The following TECTA variants were observed in gnomAD, a reference collection of about 807,000 sequenced individuals.
TECTA encodes alpha-tectorin.
Under a neutral mutation model 216.8 loss-of-function variants are expected in TECTA, and 128 were observed. That is an observed-to-expected ratio of 0.59 (90% CI 0.51 to 0.68). The LOEUF is 0.68. Among genes scored for constraint, TECTA ranks in the 30% least tolerant of loss-of-function variants. The pLI is 0.00. For synonymous variants in TECTA, 1,089 were observed against 1,117.1 expected, an observed-to-expected ratio of 0.97 and a Z score of 0.50; for missense variants, 2,551 against 2,786.2, an observed-to-expected ratio of 0.92 and a Z score of 1.90.
intron 10 of TECTA, among the ~76,000 whole-genome samples, chr11:121,131,913 G>C (rs1946678716): frequency 6.6e-6 from 1 of 152,146 alleles, no homozygotes; most frequent in Admixed American, 6.5e-5. Flanking sequence ...TCTGATGTTG[G>C]TTTGTCCCGT....
chr11:121,162,496 T>G (rs1193300153), intron 16 of TECTA, 126 bp downstream of exon 16: 1 of 1,293,738 alleles, frequency 7.7e-7, no homozygotes, highest in African/African-American at 1.5e-5. Context: ...CTTCCAGGAT[T>G]GGATAGTAGA....
chr11:121,153,034 T>A lies in TECTA; in HGVS notation c.4259T>A (p.Ile1420Asn), dbSNP rs1386854518. 6.2e-7 allele frequency: 1 copy of A among 1,614,182 alleles called. No individual in the cohort carries two copies. The highest frequency in any genetic ancestry group is 1.7e-5 in the Admixed American group (1 of 60,030). Reference protein sequence around the residue: ...AGYVLNGKSCILPHSCGCYSD... With the variant: ...AGYVLNGKSCNLPHSCGCYSD... ...TACGTCCTCAACGGCAAGAGCTGCATCCTGCCCCACAGCTGCGGCTGCTAC... is the reference window on the plus strand; with the variant it reads ...TACGTCCTCAACGGCAAGAGCTGCAACCTGCCCCACAGCTGCGGCTGCTAC... Residue 1420 changes from isoleucine (I) to asparagine (N), a missense_variant, in exon 13 of 24, where the codon ATC becomes AAC. This residue lies in a region of TECTA where 2,375 missense variants were observed against 2,563.9 expected (regional missense o/e 0.93). Coordinates refer to ENST00000392793, the MANE Select transcript of TECTA (RefSeq NM_005422.4).
intron 20 of TECTA, among the ~76,000 whole-genome samples, chr11:121,179,432 G>A (rs1947203136): frequency 6.6e-6 from 1 of 152,034 alleles, no homozygotes; most frequent in Non-Finnish European, 1.5e-5. Context: ...AAATTTGTCA[G>A]GACTTGGTTT....
Position 121,113,028 on chromosome 11 carries a change from C to T in TECTA, c.487-44C>T. 6.2e-7 allele frequency: 1 copy of T among 1,613,286 alleles called. No individual in the cohort carries two copies. Among genetic ancestry groups the T allele is most frequent in the East Asian group, 2.2e-5 (1 of 44,876 alleles). On this transcript the variant is annotated intron_variant, in intron 4 of 23. Transcript: ENST00000392793. This position sits in a 1 kb window ranked among gnomAD's most constrained non-coding sequence, Gnocchi z 4.2. ...GAGGACCTCCTTGGGGCCAGGACCT[C>T]CTGGGGAGTGCAAGTCATGAGACTG... is the stretch of plus-strand genomic sequence containing the variant.
At chr11:121,124,729 G>A (rs1251238893) in intron 7 of TECTA, among the ~76,000 whole-genome samples, 1 of 152,154 alleles carries the variant, frequency 6.6e-6, no homozygotes, top group Non-Finnish European at 1.5e-5. Flanking sequence ...TAATTGTGTT[G>A]TTGTTGAATG....
At position 121,113,050 on chromosome 11, in the gene TECTA, A is replaced by C. The variant is rs747299841; in HGVS notation, c.487-22A>C. 3 of 1,613,796 alleles carry C rather than the reference A, an allele frequency of 1.9e-6. No homozygotes were observed. Among genetic ancestry groups the C allele is most frequent in the Non-Finnish European group, 2.5e-6 (3 of 1,179,978 alleles). ...CCTCCTGGGGAGTGCAAGTCATGAG[A>C]CTGCGCATTCCCATCCTGTAGGTGA... On this transcript the variant is annotated intron_variant, in intron 4 of 23. Coordinates refer to ENST00000392793, the MANE Select transcript of TECTA (RefSeq NM_005422.4). The surrounding 1 kb of genome is among the most constrained non-coding windows in gnomAD (Gnocchi z 4.2).
intron 21 of TECTA, 122 bp downstream of exon 21, chr11:121,188,116 A>C: frequency 2.9e-6 from 3 of 1,041,486 alleles, no homozygotes; most frequent in Non-Finnish European, 4.3e-6. Flanking sequence ...TGGGGTGGAC[A>C]GTCATCTTTG....
intron 10 of TECTA, among the ~76,000 whole-genome samples, chr11:121,135,320 G>A (rs1445239642): frequency 6.6e-6 from 1 of 152,188 alleles, no homozygotes; most frequent in Non-Finnish European, 1.5e-5. Context: ...GCATTCCGGG[G>A]CCTAGGGGAA....
chr11:121,127,722 T>C lies in TECTA; in HGVS notation c.1775-30T>C. ...TAGCACTCCGGGTCCATTCACCTTG[T>C]TATCGGCTCTCTTCCTTTCCCCGCG... On this transcript the variant is annotated intron_variant, in intron 8 of 23. Coordinates refer to ENST00000392793, the MANE Select transcript of TECTA (RefSeq NM_005422.4). This position sits in a 1 kb window ranked among gnomAD's most constrained non-coding sequence, Gnocchi z 5.0. The C allele has an allele frequency of 1.2e-6, 2 of 1,612,974 alleles. No individual in the cohort carries two copies. The highest frequency in any genetic ancestry group is 1.7e-6 in the Non-Finnish European group (2 of 1,178,992).
intron 20 of TECTA, among the ~76,000 whole-genome samples, chr11:121,177,806 G>A (rs375983626): frequency 8.5e-5 from 13 of 152,308 alleles, no homozygotes; most frequent in South Asian, 2.1e-4. Context: ...GCAGGCAGGC[G>A]TCCTTGAGCT....
chr11:121,178,193 C>T (rs1040109874), intron 20 of TECTA, among the ~76,000 whole-genome samples: 4 of 152,214 alleles, frequency 2.6e-5, no homozygotes, highest in East Asian at 1.9e-4. Context: ...CACTGTCCTG[C>T]GCCCACTGTC....
chr11:121,107,925 C>T (rs745460748), intron 3 of TECTA, among the ~76,000 whole-genome samples: 1 of 152,142 alleles, frequency 6.6e-6, no homozygotes, highest in African/African-American at 2.4e-5. Flanking sequence ...ACTATCACAC[C>T]ACATGAGCTG....
chr11:121,191,250 T>C lies in TECTA; in HGVS notation c.*444T>C. 3.7e-6 allele frequency: 1 copy of C among 271,888 alleles called. No individual in the cohort carries two copies. The highest frequency in any genetic ancestry group is 4.5e-5 in the South Asian group (1 of 22,234). 16.8% of individuals were successfully genotyped at this position (271,888 alleles called of 1,614,324 possible). A position where few individuals can be genotyped will look rare whatever the true frequency, so the allele number is the denominator to read the frequency against. On this transcript the variant is annotated 3_prime_UTR_variant, in exon 24 of 24. Transcript: ENST00000392793. The stretch of plus-strand genomic sequence containing the variant: ...AGGTTTGACTCCCTCTAAGGAATCT[T>C]GCTGGTGTTTGGAAGTGTCCGATCT...
Position 121,166,608 on chromosome 11 carries a change from C to A in TECTA, c.5414C>A (p.Thr1805Asn), listed in dbSNP as rs778680683. ...NSHDIIDAEV[T>N]CKAAQMEVSI... is the part of the protein sequence containing the mutation. ...CATGACATTATCGATGCAGAGGTGACCTGCAAAGCAGCCCAAATGGAAGTG... is the reference window on the plus strand; with the variant it reads ...CATGACATTATCGATGCAGAGGTGAACTGCAAAGCAGCCCAAATGGAAGTG... Residue 1805 changes from threonine to asparagine, a missense_variant, in exon 18 of 24, where the codon ACC becomes AAC. Thr to Asn is a moderately conservative substitution (Grantham distance 65). This residue lies in a region of TECTA where 2,375 missense variants were observed against 2,563.9 expected (regional missense o/e 0.93). Coordinates refer to ENST00000392793, the MANE Select transcript of TECTA (RefSeq NM_005422.4). 2.5e-6 allele frequency: 4 copies of A among 1,614,164 alleles called. No individual in the cohort carries two copies. The highest frequency in any genetic ancestry group is 3.4e-6 in the Non-Finnish European group (4 of 1,180,026).
intron 12 of TECTA, among the ~76,000 whole-genome samples, chr11:121,152,248 C>T (rs181340107): frequency 3.3e-5 from 5 of 152,362 alleles, no homozygotes; most frequent in South Asian, 2.1e-4. Flanking sequence ...CATGCCAGCA[C>T]GTGTACTCAT....
At chr11:121,168,650 C>G in intron 19 of TECTA, 27 bp from the exon 20 acceptor site, 1 of 1,614,024 alleles carries the variant, frequency 6.2e-7, no homozygotes, top group East Asian at 2.2e-5. Context: ...GTTTTGGATT[C>G]CTGTCTCATA....
In TECTA at chr11:121,129,858, C is replaced by G. The variant is rs1215391127; in HGVS notation, c.2588C>G (p.Pro863Arg). The change falls in exon 10 of 24, where the codon CCC becomes CGC. Residue 863 changes from proline (P) to arginine (R), a missense_variant. This residue lies in a region of TECTA where 2,375 missense variants were observed against 2,563.9 expected (regional missense o/e 0.93). Coordinates refer to ENST00000392793, the MANE Select transcript of TECTA (RefSeq NM_005422.4). Reference protein sequence around the residue: ...NANASDEFCLPNGKCTDNLAV... With the variant: ...NANASDEFCLRNGKCTDNLAV... ...AACGCCAGTGACGAGTTCTGTCTCCCCAACGGCAAGTGCACGGACAACCTG... is the reference window on the plus strand; with the variant it reads ...AACGCCAGTGACGAGTTCTGTCTCCGCAACGGCAAGTGCACGGACAACCTG... The G allele has an allele frequency of 6.8e-6, 11 of 1,614,116 alleles. No individual in the cohort carries two copies. Among genetic ancestry groups the G allele is most frequent in the Non-Finnish European group, 9.3e-6 (11 of 1,180,046 alleles).
chr11:121,138,109 G>A, intron 11 of TECTA, 87 bp downstream of exon 11: 1 of 1,583,154 alleles, frequency 6.3e-7, no homozygotes, highest in Admixed American at 1.7e-5. Flanking sequence ...GAATCAGGCA[G>A]GTCCGGAATC....
rs186818006 is a variant in TECTA at position 121,117,105 on chromosome 11, A to G, written c.791-1201A>G. Among the ~76,000 whole-genome samples, 6 of 152,348 alleles carry G rather than the reference A, an allele frequency of 3.9e-5. No homozygotes were observed. In the East Asian group the frequency reaches 9.6e-4, roughly 24 times the overall value. On this transcript the variant is annotated intron_variant, in intron 6 of 23. Transcript: ENST00000392793. ...TGCTATTCACTCGATAGTCAGTTTT[A>G]TAAAAACTTGAGATGTTATTTACAT... is the stretch of plus-strand genomic sequence containing the variant.
Sources: gnomAD v4.1 joint callset for allele counts (sites outside exome capture counted in the v4.1 genomes callset) on GRCh38, gnomAD v4.1.1 for gene constraint, gnomAD v4.1.1 regional missense constraint, Gnocchi (gnomAD v3.1) non-coding constraint, MANE v1.5 for transcripts, NCBI Gene and HGNC (gene_info 2026-07-23, HGNC 2026-07-21) for gene names.